Variants in ZNF567 observed in about 807,000 individuals in gnomAD.
The protein encoded by ZNF567 is zinc finger protein 567.
ZNF567 carries 36 observed loss-of-function variants against 53.9 expected under a neutral mutation model. The ratio of observed to expected loss-of-function variants is 0.67; its 90% CI spans 0.51 to 0.88. The LOEUF is 0.88. Ranked by LOEUF, ZNF567 falls within the 40% of genes least tolerant of loss-of-function variation. ZNF567 has a pLI of 0.00. For synonymous variants in ZNF567, 224 were observed against 260.4 expected, an observed-to-expected ratio of 0.86 and a Z score of 1.35; for missense variants, 619 against 764.7, an observed-to-expected ratio of 0.81 and a Z score of 2.25.
In ZNF567 at chr19:36,701,494, C is replaced by T. The variant is rs566413481; in HGVS notation, c.9+6618C>T. ...GGGTATCCTTGTTAACTTTCTGTCTCGTTGATCTGTCTAATGTTGACAGTG... is the reference window on the plus strand; with the variant it reads ...GGGTATCCTTGTTAACTTTCTGTCTTGTTGATCTGTCTAATGTTGACAGTG... On this transcript the variant is annotated intron_variant, in intron 3 of 5. Transcript: ENST00000682579. Among the ~76,000 whole-genome samples the T allele has an allele frequency of 8.2e-4, 125 of 151,890 alleles. 3 individuals are homozygous for T. The highest frequency in any genetic ancestry group is 6.8e-3 in the Admixed American group (103 of 15,246).
chr19:36,667,892 G>T, the ZNF567 span, among the ~76,000 whole-genome samples: 2 of 151,488 alleles, frequency 1.3e-5, no homozygotes, highest in Non-Finnish European at 2.9e-5. Context: ...CTCGTGATTC[G>T]CCCGCCTCGG....
rs549676701 is a variant in ZNF567 at position 36,707,910 on chromosome 19, T to C, written c.10-4476T>C. Among the ~76,000 whole-genome samples the C allele has an allele frequency of 3.3e-5, 5 of 152,054 alleles. No homozygotes were observed. In the East Asian group the frequency reaches 9.7e-4, roughly 29 times the overall value. On this transcript the variant is annotated intron_variant, in intron 3 of 5. Transcript: ENST00000682579. ...AATCCTGTTTTAACATCCTTGTTTT[T>C]CGTTTGTTTGTTTGAGACTCTGTTG...
intron 1 of ZNF567, among the ~76,000 whole-genome samples, chr19:36,688,277 G>A (rs1039692989): frequency 6.6e-6 from 1 of 152,166 alleles, no homozygotes. Flanking sequence ...AATTTTAAAA[G>A]TATTTGGTGT....
chr19:36,670,789 T>C, the ZNF567 span, among the ~76,000 whole-genome samples: 3 of 152,284 alleles, frequency 2.0e-5, no homozygotes, highest in East Asian at 1.9e-4. Context: ...GGGATCTCGA[T>C]TGCCTTTTCC....
downstream of ZNF567, chr19:36,727,177 T>G (rs1329119418): frequency 6.6e-6 from 1 of 151,254 alleles, no homozygotes. Flanking sequence ...GTTCAAGCAA[T>G]TCTCCTGCCT....
At chr19:36,691,758 G>A (rs1328505360) in intron 2 of ZNF567, among the ~76,000 whole-genome samples, 1 of 152,138 alleles carries the variant, frequency 6.6e-6, no homozygotes, top group South Asian at 2.1e-4. Flanking sequence ...TAAGGATGTT[G>A]CAATTAGTAA....
chr19:36,702,837 T>C (rs1968379686), intron 3 of ZNF567, among the ~76,000 whole-genome samples: 1 of 152,246 alleles, frequency 6.6e-6, no homozygotes, highest in Non-Finnish European at 1.5e-5. Context: ...TAAATTTTTT[T>C]CAAAGTTTTC....
chr19:36,683,270 C>T (rs556311162), upstream of ZNF567, among the ~76,000 whole-genome samples: 2 of 152,032 alleles, frequency 1.3e-5, no homozygotes, highest in South Asian at 4.2e-4. Flanking sequence ...CGGGGTTTCA[C>T]CATATTGCCC....
chr19:36,694,656 G>A, intron 2 of ZNF567, 146 bp from the exon 3 acceptor site: 1 of 482,394 alleles, frequency 2.1e-6, no homozygotes, highest in Admixed American at 4.1e-5. Context: ...TTGCCTAGCT[G>A]GTTGTCCCAT....
chr19:36,701,681 G>A (rs2039194107), intron 3 of ZNF567, among the ~76,000 whole-genome samples: 2 of 149,254 alleles, frequency 1.3e-5, no homozygotes, highest in Admixed American at 6.7e-5. Context: ...ATTATGTAAT[G>A]GCCTTCTTTG....
chr19:36,719,409 A>G lies in ZNF567; in HGVS notation c.685A>G (p.Ser229Gly), dbSNP rs780330856. Residue 229 changes from serine (S) to glycine (G), a missense_variant, in exon 6 of 6, where the codon AGT (serine) becomes GGT (glycine). By Grantham distance (56) the Ser-to-Gly change is moderately conservative (BLOSUM62 0). Transcript: ENST00000682579. Reference sequence around the variant, plus strand: ...TCAAAGGGGAGGCCTGATTACACATAGTAGACCTTACAAAGGAGAAAACCC... The same window carrying G: ...TCAAAGGGGAGGCCTGATTACACATGGTAGACCTTACAAAGGAGAAAACCC... ...FLQRGGLITH[S>G]RPYKGENPSV... 1.9e-6 allele frequency: 3 copies of G among 1,613,830 alleles called. No individual in the cohort carries two copies. Among genetic ancestry groups the G allele is most frequent in the East Asian group, 2.2e-5 (1 of 44,850 alleles).
At chr19:36,714,568 A>G (rs753515947) in intron 5 of ZNF567, 120 of 396,356 alleles carry the variant, frequency 3.0e-4, no homozygotes, top group Middle Eastern at 6.3e-4. Flanking sequence ...TTTCCTTCAT[A>G]CCACCTCGGC....
At chr19:36,710,762 T>C (rs1443816643) in intron 3 of ZNF567, among the ~76,000 whole-genome samples, 2 of 152,220 alleles carry the variant, frequency 1.3e-5, no homozygotes, top group Non-Finnish European at 2.9e-5. Flanking sequence ...CCTGCTGCTT[T>C]GTCAGTTCAA....
intron 3 of ZNF567, among the ~76,000 whole-genome samples, chr19:36,707,753 T>C (rs2039571399): frequency 6.7e-6 from 1 of 148,302 alleles, no homozygotes; most frequent in Non-Finnish European, 1.5e-5. Flanking sequence ...AATTTTTGTA[T>C]GTTTAGTGGA....
downstream of ZNF567, chr19:36,723,276 TCTACTCCC>T: frequency 2.9e-6 from 2 of 701,190 alleles, no homozygotes; most frequent in Non-Finnish European, 5.2e-6. Flanking sequence ...TCTGGGACAT[TCTACTCCC>T]CTTTGATTTT....
At chr19:36,693,889 A>G (rs2038746058) in intron 2 of ZNF567, among the ~76,000 whole-genome samples, 1 of 152,244 alleles carries the variant, frequency 6.6e-6, no homozygotes. Flanking sequence ...AAAAACAGTC[A>G]AATGAGAAAC....
intron 5 of ZNF567, among the ~76,000 whole-genome samples, chr19:36,716,738 G>A (rs2040082097): frequency 6.6e-6 from 1 of 152,162 alleles, no homozygotes; most frequent in East Asian, 1.9e-4. Context: ...CCTTTTAGAT[G>A]TACCTACTCA....
chr19:36,709,834 G>A (rs1045645300), intron 3 of ZNF567, among the ~76,000 whole-genome samples: 1 of 152,158 alleles, frequency 6.6e-6, no homozygotes, highest in Non-Finnish European at 1.5e-5. Context: ...ATATCTTTAT[G>A]TTGCCTTCAT....
At chr19:36,708,464 A>T (rs2039612151) in intron 3 of ZNF567, among the ~76,000 whole-genome samples, 1 of 152,216 alleles carries the variant, frequency 6.6e-6, no homozygotes, top group African/African-American at 2.4e-5. Context: ...TCCTGGAGCT[A>T]CATTAACACA....
Sources: allele counts gnomAD v4.1 joint callset (sites outside exome capture counted in the v4.1 genomes callset), GRCh38; gene constraint gnomAD v4.1.1; transcripts MANE v1.5; gene names NCBI Gene and HGNC (gene_info 2026-07-23, HGNC 2026-07-21).